Variants in STPG2 observed in about 807,000 individuals in gnomAD.
STPG2 encodes sperm tail PG-rich repeat containing 2, also known as sperm-tail PG-rich repeat-containing protein 2.
STPG2 carries 56 observed loss-of-function variants against 54.2 expected under a neutral mutation model. The ratio of observed to expected loss-of-function variants is 1.03; its 90% CI spans 0.83 to 1.29. STPG2 has a LOEUF of 1.29. Among genes scored for constraint, STPG2 ranks in the 50% most tolerant of loss-of-function variants. The pLI is 0.00. For synonymous variants in STPG2, 200 were observed against 181.8 expected (o/e 1.10, Z -0.81); for missense variants, 596 against 544.9 (o/e 1.09, Z -0.93).
chr4:97,622,285 G>C (rs1734032578), intron 10 of STPG2, among the ~76,000 whole-genome samples: 1 of 151,998 alleles, frequency 6.6e-6, no homozygotes, highest in Non-Finnish European at 1.5e-5. Flanking sequence ...AGAGCAATCA[G>C]GCAAGAGAAA....
intron 8 of STPG2, among the ~76,000 whole-genome samples, chr4:97,853,270 A>T (rs915977455): frequency 1.3e-5 from 2 of 151,994 alleles, no homozygotes; most frequent in African/African-American, 4.8e-5. Context: ...CCCGCCAAAT[A>T]AATATATTTT....
chr4:97,884,231 C>T (rs1374253560), intron 8 of STPG2, among the ~76,000 whole-genome samples: 1 of 152,134 alleles, frequency 6.6e-6, no homozygotes, highest in African/African-American at 2.4e-5. Flanking sequence ...CCAATAAACT[C>T]TTCAAAACAA....
At chr4:97,810,462 CA>C (rs11386288) in intron 9 of STPG2, among the ~76,000 whole-genome samples, 204 of 112,978 alleles carry the variant, frequency 1.8e-3, no homozygotes, top group African/African-American at 2.3e-3. Flanking sequence ...GACTCTGTCT[CA>C]AAAAAAAAAA....
intron 4 of STPG2, among the ~76,000 whole-genome samples, chr4:97,473,395 C>T (rs1330031697): frequency 5.3e-5 from 8 of 152,050 alleles, no homozygotes; most frequent in Non-Finnish European, 1.2e-4. Context: ...TGGGTGTGGC[C>T]GTCTTCTATG....
chr4:98,083,354 T>A (rs1383540679), intron 5 of STPG2, among the ~76,000 whole-genome samples: 2 of 152,234 alleles, frequency 1.3e-5, no homozygotes, highest in East Asian at 3.8e-4. Flanking sequence ...AATTAGAATG[T>A]CACATTGATA....
intron 4 of STPG2, among the ~76,000 whole-genome samples, chr4:97,514,501 C>A (rs1731035353): frequency 6.6e-6 from 1 of 151,862 alleles, no homozygotes; most frequent in Non-Finnish European, 1.5e-5. Flanking sequence ...CTTCTAATTT[C>A]TCATGAAGAA....
At chr4:97,604,115 C>A (rs1016139638) in intron 10 of STPG2, among the ~76,000 whole-genome samples, 1 of 151,404 alleles carries the variant, frequency 6.6e-6, no homozygotes, top group Non-Finnish European at 1.5e-5. Context: ...TCTGGGTATG[C>A]TTTTATATTA....
intron 4 of STPG2, among the ~76,000 whole-genome samples, chr4:97,526,205 G>A (rs1731277279): frequency 6.6e-6 from 1 of 151,960 alleles, no homozygotes. Context: ...AGAGAGGTAA[G>A]GGAGTTGAAA....
At chr4:97,564,713 GA>G (rs1732374172) in intron 10 of STPG2, among the ~76,000 whole-genome samples, 1 of 152,130 alleles carries the variant, frequency 6.6e-6, no homozygotes, top group Admixed American at 6.5e-5. Flanking sequence ...GGCTTGATAT[GA>G]AATTCTGGGT....
chr4:97,589,197 CATATAATT>C (rs1324489814), intron 10 of STPG2, among the ~76,000 whole-genome samples: 3 of 151,252 alleles, frequency 2.0e-5, no homozygotes, highest in African/African-American at 7.3e-5. Context: ...TTTGTATGTG[CATATAATT>C]ATACATGAAG....
At chr4:97,801,482 T>C (rs767384297) in intron 9 of STPG2, among the ~76,000 whole-genome samples, 3 of 152,188 alleles carry the variant, frequency 2.0e-5, no homozygotes, top group Non-Finnish European at 4.4e-5. Flanking sequence ...TGAAGTGGTA[T>C]TTGAAGAACT....
chr4:97,795,397 C>A (rs989081984), intron 9 of STPG2, among the ~76,000 whole-genome samples: 7 of 152,146 alleles, frequency 4.6e-5, no homozygotes, highest in African/African-American at 1.7e-4. Flanking sequence ...CTTCTGGTGT[C>A]CAAGTGTTCT....
intron 4 of STPG2, among the ~76,000 whole-genome samples, chr4:97,455,027 T>C (rs1158249783): frequency 2.0e-5 from 3 of 152,256 alleles, no homozygotes; most frequent in African/African-American, 4.8e-5. Context: ...CAGTATGTTA[T>C]TGGTGAAAAA....
intron 10 of STPG2, among the ~76,000 whole-genome samples, chr4:97,590,630 G>GACACACACAC (rs1553940782): frequency 1.1e-5 from 1 of 90,184 alleles, no homozygotes; most frequent in African/African-American, 4.9e-5. Context: ...CATACACACA[G>GACACACACAC]ACACACAGAC....
intron 8 of STPG2, among the ~76,000 whole-genome samples, chr4:97,890,291 T>C (rs1003166673): frequency 1.3e-5 from 2 of 151,902 alleles, no homozygotes; most frequent in African/African-American, 4.8e-5. Context: ...TTATCATATC[T>C]AAAAACTAAA....
intron 10 of STPG2, among the ~76,000 whole-genome samples, chr4:97,707,158 G>C (rs1260293567): frequency 2.6e-5 from 4 of 152,172 alleles, no homozygotes; most frequent in African/African-American, 9.7e-5. Flanking sequence ...TAGAAATGTT[G>C]TTGGGGAAAG....
rs147326049 is a variant in STPG2 at position 97,623,821 on chromosome 4, T to C, written c.1321-64704A>G. Among the ~76,000 whole-genome samples, 85 of 152,174 alleles carry C rather than the reference T, an allele frequency of 5.6e-4. No individual in the cohort carries two copies. The East Asian group carries it at 0.014, about 24-fold the overall frequency. ...CCCCACTGACAGTCCCCAGTGTGTG[T>C]TTTTCCCCTCCCTGTATCCATTTTT... On this transcript the variant is annotated intron_variant, in intron 10 of 10. Transcript: ENST00000295268.
chr4:97,565,709 G>T (rs1245389460), intron 10 of STPG2, among the ~76,000 whole-genome samples: 3 of 152,182 alleles, frequency 2.0e-5, no homozygotes, highest in African/African-American at 4.8e-5. Context: ...TCCAGACCCT[G>T]TTTGCCTGGG....
chr4:98,110,552 A>C (rs1739318034), intron 3 of STPG2, among the ~76,000 whole-genome samples: 1 of 152,126 alleles, frequency 6.6e-6, no homozygotes, highest in East Asian at 1.9e-4. Context: ...CTCAGGGGAC[A>C]AGTAATGCAA....
Sources: allele counts gnomAD v4.1 joint callset (sites outside exome capture counted in the v4.1 genomes callset), GRCh38; gene constraint gnomAD v4.1.1; transcripts MANE v1.5; gene names NCBI Gene and HGNC (gene_info 2026-07-23, HGNC 2026-07-21).